The following RBFOX1 variants were observed in gnomAD, a reference collection of about 807,000 sequenced individuals.
The protein encoded by RBFOX1 is RNA binding protein fox-1 homolog 1.
A neutral mutation model predicts 57.7 loss-of-function variants in RBFOX1; 8 were observed. The observed-to-expected ratio is 0.14, with a 90% CI of 0.08 to 0.25. The LOEUF (loss-of-function observed/expected upper bound fraction) is 0.25. RBFOX1 is among the 10% of genes least tolerant of loss of function. RBFOX1 has a pLI of 1.00. For missense variants in RBFOX1, 611 were observed against 548.5 expected, an observed-to-expected ratio of 1.11 and a Z score of -1.14; for synonymous variants, 326 against 222.4, an observed-to-expected ratio of 1.47 and a Z score of -4.15.
intron 3 of RBFOX1, among the ~76,000 whole-genome samples, chr16:5,608,189 C>T (rs1281032461): frequency 6.6e-6 from 1 of 152,214 alleles, no homozygotes; most frequent in Non-Finnish European, 1.5e-5. Context: ...TGTGAATTGT[C>T]ATAACACCCC....
intron 3 of RBFOX1, among the ~76,000 whole-genome samples, chr16:6,732,834 A>G (rs1458810318): frequency 2.6e-5 from 4 of 152,246 alleles, no homozygotes; most frequent in African/African-American, 9.6e-5. Flanking sequence ...TTTTTGTTTT[A>G]CCTTGGACAG....
At chr16:5,493,395 G>A (rs540742495) in intron 2 of RBFOX1, among the ~76,000 whole-genome samples, 3 of 152,090 alleles carry the variant, frequency 2.0e-5, no homozygotes, top group South Asian at 4.2e-4. Flanking sequence ...CAAACCCTCC[G>A]CACCCTCTGT....
At chr16:6,432,255 C>G (rs945279293) in intron 2 of RBFOX1, among the ~76,000 whole-genome samples, 1 of 152,014 alleles carries the variant, frequency 6.6e-6, no homozygotes, top group African/African-American at 2.4e-5. Flanking sequence ...ACGTATGAGC[C>G]ACGTTGCTCA....
downstream of RBFOX1, among the ~76,000 whole-genome samples, chr16:5,602,079 C>T (rs1451549035): frequency 6.6e-6 from 1 of 152,214 alleles, no homozygotes; most frequent in Admixed American, 6.5e-5. Context: ...CACCCTCTGA[C>T]TGTAGCAGGG....
At chr16:6,266,340 C>A (rs758273033) in intron 1 of RBFOX1, among the ~76,000 whole-genome samples, 6 of 152,184 alleles carry the variant, frequency 3.9e-5, no homozygotes, top group Non-Finnish European at 4.4e-5. Flanking sequence ...GAATGATATT[C>A]CGTTGTGTCT....
chr16:6,055,497 G>A (rs1255252523), intron 1 of RBFOX1, among the ~76,000 whole-genome samples: 1 of 149,884 alleles, frequency 6.7e-6, no homozygotes, highest in East Asian at 2.0e-4. Context: ...GGAGGCTGAG[G>A]CAGGAGAATG....
At chr16:5,813,902 A>G (rs747979129) in intron 3 of RBFOX1, among the ~76,000 whole-genome samples, 1 of 152,264 alleles carries the variant, frequency 6.6e-6, no homozygotes, top group Non-Finnish European at 1.5e-5. Flanking sequence ...TGGAATTATA[A>G]TAGATGAAAT....
chr16:7,200,113 G>A (rs1325197475), intron 4 of RBFOX1, among the ~76,000 whole-genome samples: 2 of 152,184 alleles, frequency 1.3e-5, no homozygotes, highest in Admixed American at 6.5e-5. Context: ...TGAACACATA[G>A]CACCAACAAA....
At chr16:7,383,965 AAT>A (rs2097832788) in intron 4 of RBFOX1, among the ~76,000 whole-genome samples, 1 of 152,122 alleles carries the variant, frequency 6.6e-6, no homozygotes, top group African/African-American at 2.4e-5. Context: ...GAGGCAGGAG[AAT>A]CACTTGAACC....
At chr16:6,049,264 A>G (rs975432619) in intron 1 of RBFOX1, among the ~76,000 whole-genome samples, 4 of 151,812 alleles carry the variant, frequency 2.6e-5, no homozygotes, top group Non-Finnish European at 5.9e-5. Flanking sequence ...GGGTTTCACC[A>G]TATTGGTCAG....
At chr16:7,232,458 T>G (rs1055719910) in intron 4 of RBFOX1, among the ~76,000 whole-genome samples, 5 of 152,152 alleles carry the variant, frequency 3.3e-5, no homozygotes, top group Non-Finnish European at 5.9e-5. Flanking sequence ...TATTAGGTGC[T>G]CAATAAATAG....
intron 2 of RBFOX1, among the ~76,000 whole-genome samples, chr16:5,517,641 C>T (rs1181113882): frequency 2.0e-5 from 3 of 152,128 alleles, no homozygotes; most frequent in African/African-American, 7.2e-5. Context: ...TAATGTTTGG[C>T]ATCTCAAATA....
intron 4 of RBFOX1, among the ~76,000 whole-genome samples, chr16:7,054,231 A>C (rs375846809): frequency 1.6e-4 from 1 of 6,424 alleles, no homozygotes; most frequent in Non-Finnish European, 2.3e-4. Flanking sequence ...GGGGGCGGGG[A>C]GCTTTTTTTT....
rs139075559 is a variant in RBFOX1, at chr16:6,895,418, ATGTGTGTGTGTGTG to A, written c.-15-156621_-15-156608del. Among the ~76,000 whole-genome samples, 637 of 86,810 alleles carry A rather than the reference ATGTGTGTGTGTGTG, an allele frequency of 7.3e-3. 12 individuals are homozygous for A. Among genetic ancestry groups the A allele is most frequent in the Middle Eastern group, 0.015 (2 of 132 alleles). The allele number at this position is 86,810 out of a possible 152,430, so 57.0% of individuals were successfully genotyped here. The stretch of plus-strand genomic sequence containing the variant: ...CTCAGCCACTAGTTGTTAGTAATAT[ATGTGTGTGTGTGTG>A]TGTGTGTGTGTGTGTGTATATATAT... On this transcript the variant is annotated intron_variant, in intron 3 of 15. Coordinates refer to ENST00000550418, the MANE Select transcript of RBFOX1 (RefSeq NM_018723.4).
At chr16:6,580,233 AG>A (rs2097516811) in intron 2 of RBFOX1, among the ~76,000 whole-genome samples, 1 of 152,202 alleles carries the variant, frequency 6.6e-6, no homozygotes, top group South Asian at 2.1e-4. Context: ...CTGGGATTAC[AG>A]GCATGAGCCA....
At chr16:5,633,805 C>T (rs145067467) in intron 3 of RBFOX1, among the ~76,000 whole-genome samples, 1,896 of 149,934 alleles carry the variant, frequency 0.013, 45 homozygotes, top group African/African-American at 0.044. Context: ...ACCCAGGAGG[C>T]GGAGGCCACT....
chr16:6,240,483 C>T (rs1214898885), intron 1 of RBFOX1, among the ~76,000 whole-genome samples: 1 of 151,970 alleles, frequency 6.6e-6, no homozygotes, highest in Non-Finnish European at 1.5e-5. Flanking sequence ...CTTGAAGGTA[C>T]CCCAGGCCCT....
chr16:7,316,675 T>G (rs2096446782), intron 4 of RBFOX1, among the ~76,000 whole-genome samples: 1 of 151,968 alleles, frequency 6.6e-6, no homozygotes, highest in Non-Finnish European at 1.5e-5. Flanking sequence ...GAGTGGGAGT[T>G]GGATTCAGGG....
At chr16:7,506,217 A>AT (rs1176999795) in intron 4 of RBFOX1, among the ~76,000 whole-genome samples, 2 of 130,446 alleles carry the variant, frequency 1.5e-5, no homozygotes, top group Non-Finnish European at 3.3e-5. Flanking sequence ...AAAAAAAAAA[A>AT]TTTCTGTAAG....
Sources: gnomAD v4.1 joint callset for allele counts (sites outside exome capture counted in the v4.1 genomes callset) on GRCh38, gnomAD v4.1.1 for gene constraint, MANE v1.5 for transcripts, NCBI Gene and HGNC (gene_info 2026-07-23, HGNC 2026-07-21) for gene names.